The following VPS45 variants were observed in gnomAD, a reference collection of about 807,000 sequenced individuals.
VPS45 encodes vacuolar protein sorting-associated protein 45.
VPS45 carries 35 observed loss-of-function variants against 75.9 expected under a neutral mutation model. That is an observed-to-expected ratio of 0.46 (90% CI 0.35 to 0.61). The LOEUF is 0.61. VPS45 is among the 20% of genes least tolerant of loss of function. VPS45 has a pLI of 0.00. For synonymous variants in VPS45, 220 were observed against 238.2 expected (o/e 0.92, Z 0.70); for missense variants, 559 against 685.9 (o/e 0.81, Z 2.07).
intron 11 of VPS45, 37 bp from the exon 12 acceptor site, chr1:150,092,265 G>A: frequency 6.2e-7 from 1 of 1,600,722 alleles, no homozygotes; most frequent in Non-Finnish European, 8.5e-7. Context: ...GCTTCCTGAT[G>A]CCTAAGCAAT....
intron 14 of VPS45, among the ~76,000 whole-genome samples, chr1:150,122,471 A>T (rs1553809814): frequency 6.6e-6 from 1 of 152,114 alleles, no homozygotes; most frequent in African/African-American, 2.4e-5. Context: ...AGAGGAGTAG[A>T]AAGAAATGCA....
At chr1:150,119,236 A>G (rs1658103294) in intron 14 of VPS45, among the ~76,000 whole-genome samples, 2 of 152,168 alleles carry the variant, frequency 1.3e-5, no homozygotes, top group African/African-American at 2.4e-5. Flanking sequence ...ACAACTCTTA[A>G]TACATATTGG....
Position 150,093,637 on chromosome 1 carries a change from A to C in VPS45, c.1482A>C (p.Thr494=). 2 of 1,607,488 alleles carry C rather than the reference A, an allele frequency of 1.2e-6. No homozygotes were observed. Among genetic ancestry groups the C allele is most frequent in the Non-Finnish European group, 1.7e-6 (2 of 1,178,048 alleles). Residue 494 remains threonine (T), a synonymous_variant, in exon 13 of 15, where the codon ACA becomes ACC. Coordinates refer to ENST00000644510, the MANE Select transcript of VPS45 (RefSeq NM_007259.5). ...TATATCCTTATTTAGGCCCCAGCAC[A>C]CTCAGAGACAGGTAAGCTAACAAAG... The part of the protein sequence containing the change: ...ENLYPYLGPS[T]LRDRPQDIIV...
At chr1:150,072,129 C>A (rs782608245) in intron 2 of VPS45, 37 bp from the exon 3 acceptor site, 4 of 1,572,056 alleles carry the variant, frequency 2.5e-6, no homozygotes, top group South Asian at 1.1e-5. Flanking sequence ...TTAAGCAACT[C>A]TCCTCATATT....
intron 13 of VPS45, among the ~76,000 whole-genome samples, chr1:150,104,988 A>G (rs1657240071): frequency 6.6e-6 from 1 of 152,144 alleles, no homozygotes; most frequent in African/African-American, 2.4e-5. Flanking sequence ...TGCTAGTTCT[A>G]TTTTTAGTTC....
rs781938011 is a variant in VPS45 at position 150,081,390 on chromosome 1, C to A, written c.736C>A (p.Arg246=). The change falls in exon 8 of 15, where the codon CGG becomes AGG. Residue 246 remains arginine (R), a synonymous_variant. Coordinates refer to ENST00000644510, the MANE Select transcript of VPS45 (RefSeq NM_007259.5). ...CGAACTACTAGGCATAAACAACAATCGGATTGATCTTTCCAGAGTGCCGGG... is the reference window on the plus strand; with the variant it reads ...CGAACTACTAGGCATAAACAACAATAGGATTGATCTTTCCAGAGTGCCGGG... ...VHELLGINNN[R]IDLSRVPGIS... 4.4e-6 allele frequency: 7 copies of A among 1,607,764 alleles called. No individual in the cohort carries two copies. Among genetic ancestry groups the A allele is most frequent in the Non-Finnish European group, 5.9e-6 (7 of 1,178,118 alleles).
intron 13 of VPS45, among the ~76,000 whole-genome samples, chr1:150,104,176 C>T (rs587705265): frequency 6.6e-6 from 1 of 152,234 alleles, no homozygotes; most frequent in African/African-American, 2.4e-5. Context: ...ATCTCCCTTC[C>T]TTCTTCCCCT....
At chr1:150,091,674 T>C (rs1656332458) in intron 10 of VPS45, among the ~76,000 whole-genome samples, 1 of 152,230 alleles carries the variant, frequency 6.6e-6, no homozygotes, top group South Asian at 2.1e-4. Flanking sequence ...ACTTCAGCTA[T>C]TGGAAAAGAA....
intron 10 of VPS45, among the ~76,000 whole-genome samples, chr1:150,089,261 A>C (rs1480396994): frequency 6.6e-6 from 1 of 152,206 alleles, no homozygotes; most frequent in African/African-American, 2.4e-5. Flanking sequence ...GTGGTAAGAG[A>C]GTGACTGCAA....
intron 10 of VPS45, among the ~76,000 whole-genome samples, chr1:150,083,505 G>A (rs1422539069): frequency 1.3e-5 from 2 of 151,906 alleles, no homozygotes; most frequent in South Asian, 2.1e-4. Context: ...TATTTACAAA[G>A]GAATATGGAA....
intron 14 of VPS45, among the ~76,000 whole-genome samples, chr1:150,120,107 T>TAA (rs1478127316): frequency 4.0e-5 from 6 of 150,826 alleles, no homozygotes; most frequent in Admixed American, 6.6e-5. Flanking sequence ...AAACTCCATC[T>TAA]AAAAAAAAAT....
intron 10 of VPS45, among the ~76,000 whole-genome samples, chr1:150,084,850 A>G (rs1186399556): frequency 6.6e-6 from 1 of 152,108 alleles, no homozygotes; most frequent in African/African-American, 2.4e-5. Flanking sequence ...ATTCAATGAG[A>G]TATGTAAAAT....
intron 14 of VPS45, among the ~76,000 whole-genome samples, chr1:150,134,924 G>A (rs587671806): frequency 6.6e-6 from 1 of 152,298 alleles, no homozygotes; most frequent in South Asian, 2.1e-4. Flanking sequence ...GAGCATTAAG[G>A]AGTATATTTA....
chr1:150,091,632 A>G (rs1656330339), intron 10 of VPS45, among the ~76,000 whole-genome samples: 1 of 152,248 alleles, frequency 6.6e-6, no homozygotes, highest in South Asian at 2.1e-4. Context: ...AGTCGTGGAA[A>G]TAGTAAGTGT....
intron 14 of VPS45, among the ~76,000 whole-genome samples, chr1:150,116,937 T>A (rs587594529): frequency 6.6e-6 from 1 of 152,222 alleles, no homozygotes; most frequent in Non-Finnish European, 1.5e-5. Flanking sequence ...GTGCAGTGGA[T>A]CACACCTGTA....
At chr1:150,076,170 C>G in intron 3 of VPS45, 63 bp from the exon 4 acceptor site, 4 of 1,285,194 alleles carry the variant, frequency 3.1e-6, no homozygotes, top group Non-Finnish European at 4.3e-6. Context: ...ACTATCAGGC[C>G]CTTTTACATA....
chr1:150,096,450 CGAA>C (rs1389403017), intron 13 of VPS45, among the ~76,000 whole-genome samples: 1 of 152,054 alleles, frequency 6.6e-6, no homozygotes, highest in African/African-American at 2.4e-5. Context: ...ATACTTGTAA[CGAA>C]GAAGTTTAGA....
intron 13 of VPS45, among the ~76,000 whole-genome samples, chr1:150,108,929 G>T (rs1197077951): frequency 6.6e-6 from 1 of 152,180 alleles, no homozygotes; most frequent in Non-Finnish European, 1.5e-5. Flanking sequence ...TTGGTCCTCA[G>T]CCTGGGTTTG....
rs192980757 is a variant in VPS45, at chr1:150,102,186, C to T, written c.1494-8310C>T. On this transcript the variant is annotated intron_variant, in intron 13 of 14. Transcript: ENST00000644510. ...CCGGGAGGTGGAGATTGTGATGAGC[C>T]GAGATTGCTCCACTGCACTCCAGCC... 4.4e-3 allele frequency among the ~76,000 whole-genome samples: 609 copies of T among 137,910 alleles called. 3 individuals carry two copies. The highest frequency in any genetic ancestry group is 0.016 in the African/African-American group (572 of 36,052). 90.5% of individuals were successfully genotyped at this position (137,910 alleles called of 152,430 possible). A position where few individuals can be genotyped will look rare whatever the true frequency, so the allele number is the denominator to read the frequency against.
Sources: allele counts gnomAD v4.1 joint callset (sites outside exome capture counted in the v4.1 genomes callset), GRCh38; gene constraint gnomAD v4.1.1; transcripts MANE v1.5; gene names NCBI Gene and HGNC (gene_info 2026-07-23, HGNC 2026-07-21).